CDAN1: variants seen among roughly 807,000 people sequenced by gnomAD.
CDAN1 encodes codanin 1, also known as codanin-1.
A neutral mutation model predicts 139.8 loss-of-function variants in CDAN1; 107 were observed. That is an observed-to-expected ratio of 0.77 (90% CI 0.65 to 0.90). The LOEUF (loss-of-function observed/expected upper bound fraction) is 0.90. Ranked by LOEUF, CDAN1 falls within the 40% of genes least tolerant of loss-of-function variation. The pLI is 0.00. For synonymous variants in CDAN1, 776 were observed against 660.6 expected, an observed-to-expected ratio of 1.17 and a Z score of -2.68; for missense variants, 1,667 against 1,575.7, an observed-to-expected ratio of 1.06 and a Z score of -0.98.
Position 42,730,607 on chromosome 15 carries a change from C to T in CDAN1, c.2165G>A (p.Arg722His), listed in dbSNP as rs768624297. Residue 722 changes from arginine to histidine, a missense_variant, in exon 14 of 28, where the codon CGC (arginine) becomes CAC (histidine). By Grantham distance (29) the Arg-to-His change is conservative. Around this residue, in one of 3 missense-constraint regions of CDAN1, gnomAD observed 936 missense variants for 844.1 expected, o/e 1.11. Transcript: ENST00000356231. ...YYRDIFTLLL[R>H]LHRSLVLSQE... Reference sequence around the variant, plus strand: ...GCCTTGTTCCACTCACCGGTGCAGGCGCAGCAGGAGAGTGAAGATGTCCCG... The same window carrying T: ...GCCTTGTTCCACTCACCGGTGCAGGTGCAGCAGGAGAGTGAAGATGTCCCG... The T allele has an allele frequency of 1.6e-5, 26 of 1,614,062 alleles. No individual in the cohort carries two copies. Among genetic ancestry groups the T allele is most frequent in the East Asian group, 1.1e-4 (5 of 44,896 alleles).
At chr15:42,729,161 C>G (rs764740292) in intron 18 of CDAN1, 35 bp from the exon 19 acceptor site, 11 of 1,613,590 alleles carry the variant, frequency 6.8e-6, no homozygotes, top group Non-Finnish European at 8.5e-6. Context: ...AAGGCTTCCT[C>G]CAGCCTCCCT....
In CDAN1 at chr15:42,724,547, G is replaced by A; in HGVS notation, c.3628C>T (p.Leu1210=). The A allele has an allele frequency of 1.2e-5, 19 of 1,561,818 alleles. No individual in the cohort carries two copies. Among genetic ancestry groups the A allele is most frequent in the Non-Finnish European group, 1.6e-5 (19 of 1,152,032 alleles). The change falls in exon 28 of 28, where the codon CTA becomes TTA. Residue 1210 remains leucine (L), a synonymous_variant. Transcript: ENST00000356231. ...LAEPHLPEPQ[L]RACELVQPNR... ...GGCTGCACCAACTCACAGGCTCTTA[G>A]CTGGGGTTCTGGCAGGTGGGGCTCG...
rs2061493842 is a variant in CDAN1 at position 42,724,233 on chromosome 15, A to AT, written c.*257dup. 2 of 488,742 alleles carry AT rather than the reference A, an allele frequency of 4.1e-6. No homozygotes were observed. The highest frequency in any genetic ancestry group is 6.5e-5 in the Admixed American group (2 of 30,742). 30.3% of individuals were successfully genotyped at this position (488,742 alleles called of 1,614,324 possible). ...CCTCATTTCATTTAGTATCCAAGAG[A>AT]TAAACAAACACCACCTCTTCTACTC... On this transcript the variant is annotated 3_prime_UTR_variant, in exon 28 of 28. Transcript: ENST00000356231.
At chr15:42,726,205 T>C in intron 24 of CDAN1, 45 bp from the exon 25 acceptor site, 12 of 1,608,052 alleles carry the variant, frequency 7.5e-6, no homozygotes, top group Non-Finnish European at 1.0e-5. Flanking sequence ...GGTATCACCA[T>C]GCTTACTGCT....
chr15:42,726,453 G>C (rs1297834381), intron 23 of CDAN1, 36 bp from the exon 24 acceptor site: 2 of 1,493,110 alleles, frequency 1.3e-6, no homozygotes, highest in African/African-American at 1.4e-5. Context: ...CCTTGCGCTG[G>C]GGGCCAGGAT....
chr15:42,736,700 C>A lies in CDAN1; in HGVS notation c.171G>T (p.Leu57=). 6.4e-7 allele frequency: 1 copy of A among 1,556,676 alleles called. No homozygotes were observed. Residue 57 remains leucine, a synonymous_variant, in exon 2 of 28, where the codon CTG becomes CTT. Transcript: ENST00000356231. ...GGAGGACGCGGCTGCTCTGCTCCCT[C>A]AGGAAGTTCAACAGGAACGGTACGA... ...KEFVPFLLNF[L]REQSSRVLPQ... is the part of the protein sequence containing the mutation.
At chr15:42,726,456 G>T (rs1278718235) in intron 23 of CDAN1, 39 bp from the exon 24 acceptor site, 7 of 1,474,878 alleles carry the variant, frequency 4.7e-6, no homozygotes, top group Non-Finnish European at 1.9e-6. Flanking sequence ...TGCGCTGGGG[G>T]CCAGGATGCC....
In CDAN1 at chr15:42,729,131, G is replaced by C. The variant is rs192963818; in HGVS notation, c.2542-5C>G. 11 of 1,614,122 alleles carry C rather than the reference G, an allele frequency of 6.8e-6. No individual in the cohort carries two copies. In the African/African-American group the frequency reaches 9.3e-5, roughly 14 times the overall value. On this transcript the variant is annotated splice_polypyrimidine_tract_variant and splice_region_variant and intron_variant, in intron 18 of 27. Transcript: ENST00000356231. ...AAAGGCCTGGGCGAGCTGTGCCTGG[G>C]GGGAGGAGGGAGAGGCAGCAAGGCT...
In CDAN1 at chr15:42,729,020, T is replaced by TA. The variant is rs765730115; in HGVS notation, c.2645+2dup. On this transcript the variant is annotated splice_region_variant and intron_variant, in intron 19 of 27. Coordinates refer to ENST00000356231, the MANE Select transcript of CDAN1 (RefSeq NM_138477.4). ...GAGACCAGGATCCTTAACCCACTCT[T>TA]ACTTGATATGTTTGACACAGTTTGA... 4 of 1,613,742 alleles carry TA rather than the reference T, an allele frequency of 2.5e-6. No homozygotes were observed. Among genetic ancestry groups the TA allele is most frequent in the Non-Finnish European group, 2.5e-6 (3 of 1,179,728 alleles).
chr15:42,729,922 A>ACGCCCCCCCCCCCCC, intron 15 of CDAN1, 37 bp from the exon 16 acceptor site: 3 of 1,513,184 alleles, frequency 2.0e-6, no homozygotes, highest in Non-Finnish European at 2.7e-6. Context: ...AACTTCAGAG[A>ACGCCCCCCCCCCCCC]CCCCCACCCA....
At position 42,730,140 on chromosome 15, in the gene CDAN1, G is replaced by C; in HGVS notation, c.2250C>G (p.Gly750=). 11 of 1,614,062 alleles carry C rather than the reference G, an allele frequency of 6.8e-6. No individual in the cohort carries two copies. The highest frequency in any genetic ancestry group is 8.5e-6 in the Non-Finnish European group (10 of 1,179,952). Reference sequence around the variant, plus strand: ...TCACTCTGCCCACCTGGAAAAGCCAGCCCAGGACAGCAAGTAGCAGCAGCT... The same window carrying C: ...TCACTCTGCCCACCTGGAAAAGCCACCCCAGGACAGCAAGTAGCAGCAGCT... ...LNKLLLLAVL[G]WLFQIPTVPE... The change falls in exon 15 of 28, where the codon GGC becomes GGG. Residue 750 remains glycine, a synonymous_variant. Transcript: ENST00000356231.
At chr15:42,732,899 G>A (rs1423011932) in intron 9 of CDAN1, among the ~76,000 whole-genome samples, 198 bp downstream of exon 9, 1 of 152,220 alleles carries the variant, frequency 6.6e-6, no homozygotes, top group Non-Finnish European at 1.5e-5. Flanking sequence ...ACACCTGTGA[G>A]TGGAAGGAGC....
In CDAN1 at chr15:42,731,004, A is replaced by G; in HGVS notation, c.1928T>C (p.Val643Ala). 1 of 1,614,210 alleles carries G rather than the reference A, an allele frequency of 6.2e-7. No individual in the cohort carries two copies. The highest frequency in any genetic ancestry group is 1.1e-5 in the South Asian group (1 of 91,088). The change falls in exon 13 of 28, where the codon GTG becomes GCG. Residue 643 changes from valine (V) to alanine (A), a missense_variant. Physicochemically the swap from Val to Ala is moderately conservative, Grantham distance 64. This residue lies in a region of CDAN1 where 936 missense variants were observed against 844.1 expected (regional missense o/e 1.11). Coordinates refer to ENST00000356231, the MANE Select transcript of CDAN1 (RefSeq NM_138477.4). ...LRLLAKFLGFVAFLPYRGPEP... is the reference protein window; with the variant it reads ...LRLLAKFLGFAAFLPYRGPEP... ...AGGCCCCCGGTATGGCAGGAAAGCCACAAAGCCCAGGAATTTAGCCAAAAG... is the reference window on the plus strand; with the variant it reads ...AGGCCCCCGGTATGGCAGGAAAGCCGCAAAGCCCAGGAATTTAGCCAAAAG...
At position 42,736,468 on chromosome 15, in the gene CDAN1, C is replaced by T. The variant is rs1595864682; in HGVS notation, c.403G>A (p.Gly135Ser). The change falls in exon 2 of 28, where the codon GGC (glycine) becomes AGC (serine). Residue 135 changes from glycine (G) to serine (S), a missense_variant. Physicochemically the swap from Gly to Ser is moderately conservative, Grantham distance 56. Around this residue, in one of 3 missense-constraint regions of CDAN1, gnomAD observed 487 missense variants for 422.2 expected, o/e 1.15. Transcript: ENST00000356231. ...TCCCCGCTGACCCCCTCCTCCAGGC[C>T]GCGGCCTCCACGCTCGCGGGCCGGC... ...PGPARERGGRGLEEGVSGESL... is the reference protein window; with the variant it reads ...PGPARERGGRSLEEGVSGESL... The T allele has an allele frequency of 6.6e-7, 1 of 1,514,374 alleles. No individual in the cohort carries two copies. The highest frequency in any genetic ancestry group is 1.2e-5 in the South Asian group (1 of 80,340). 93.8% of individuals were successfully genotyped at this position (1,514,374 alleles called of 1,614,324 possible).
chr15:42,726,459 A>C (rs2061531250), intron 23 of CDAN1, 42 bp from the exon 24 acceptor site: 1 of 1,469,216 alleles, frequency 6.8e-7, no homozygotes, highest in African/African-American at 1.4e-5. Flanking sequence ...GCTGGGGGCC[A>C]GGATGCCACA....
Position 42,727,722 on chromosome 15 carries a change from C to T in CDAN1, c.2995G>A (p.Ala999Thr), listed in dbSNP as rs146070801. Residue 999 changes from alanine to threonine, a missense_variant, in exon 23 of 28, where the codon GCC (alanine) becomes ACC (threonine). This residue lies in a region of CDAN1 where 936 missense variants were observed against 844.1 expected (regional missense o/e 1.11). Transcript: ENST00000356231. ...VKAAVSRTLR[A>T]QGPEPAARGE... ...CGGGCAGCAGGTTCAGGACCCTGGGCTCGAAGTGTGCGACTCACTGCTGCT... is the reference window on the plus strand; with the variant it reads ...CGGGCAGCAGGTTCAGGACCCTGGGTTCGAAGTGTGCGACTCACTGCTGCT... 1.1e-5 allele frequency: 18 copies of T among 1,585,574 alleles called. No individual in the cohort carries two copies. In the African/African-American group the frequency reaches 2.0e-4, roughly 18 times the overall value.
intron 6 of CDAN1, among the ~76,000 whole-genome samples, chr15:42,734,797 T>TC (rs2061665562): frequency 6.7e-6 from 1 of 150,076 alleles, no homozygotes; most frequent in African/African-American, 2.5e-5. Context: ...TTTTTTTTTT[T>TC]TGGTGGAGAT....
At position 42,724,501 on chromosome 15, in the gene CDAN1, G is replaced by A. The variant is rs2061497056; in HGVS notation, c.3674C>T (p.Ala1225Val). The A allele has an allele frequency of 6.3e-7, 1 of 1,577,122 alleles. No individual in the cohort carries two copies. Among genetic ancestry groups the A allele is most frequent in the Non-Finnish European group, 8.6e-7 (1 of 1,160,242 alleles). Reference sequence around the variant, plus strand: ...GGCCACTTCTCAGCCCTAGCTCTGGGCCAGCACAGTGCCCCGGTTTGGCTG... The same window carrying A: ...GGCCACTTCTCAGCCCTAGCTCTGGACCAGCACAGTGCCCCGGTTTGGCTG... The part of the protein sequence containing the change: ...LVQPNRGTVL[A>V]QS Residue 1225 changes from alanine (A) to valine (V), a missense_variant, in exon 28 of 28, where the codon GCC becomes GTC. By Grantham distance (64) the Ala-to-Val change is moderately conservative (BLOSUM62 0). Coordinates refer to ENST00000356231, the MANE Select transcript of CDAN1 (RefSeq NM_138477.4).
intron 23 of CDAN1, 30 bp from the exon 24 acceptor site, chr15:42,726,447 G>A: frequency 6.6e-7 from 1 of 1,520,140 alleles, no homozygotes; most frequent in East Asian, 2.4e-5. Flanking sequence ...ATATCACCTT[G>A]CGCTGGGGGC....
Sources: gnomAD v4.1 joint callset for allele counts (sites outside exome capture counted in the v4.1 genomes callset) on GRCh38, gnomAD v4.1.1 for gene constraint, gnomAD v4.1.1 regional missense constraint, MANE v1.5 for transcripts, NCBI Gene and HGNC (gene_info 2026-07-23, HGNC 2026-07-21) for gene names.